Variants in TRPS1 observed in about 807,000 individuals in gnomAD.
TRPS1 encodes zinc finger transcription factor Trps1.
Under a neutral mutation model 101.2 loss-of-function variants are expected in TRPS1, and 6 were observed. That is an observed-to-expected ratio of 0.06 (90% CI 0.03 to 0.12). The LOEUF is 0.12. Among genes scored for constraint, TRPS1 ranks in the 10% least tolerant of loss-of-function variants. TRPS1 has a pLI of 1.00. For missense variants in TRPS1, 1,363 were observed against 1,567.0 expected, an observed-to-expected ratio of 0.87 and a Z score of 2.20; for synonymous variants, 578 against 589.8, an observed-to-expected ratio of 0.98 and a Z score of 0.29.
intron 5 of TRPS1, among the ~76,000 whole-genome samples, chr8:115,440,132 T>C (rs1324822603): frequency 6.6e-6 from 1 of 152,218 alleles, no homozygotes; most frequent in Non-Finnish European, 1.5e-5. Flanking sequence ...TGATGAAAAT[T>C]CATTTTTTAA....
chr8:115,562,869 A>T (rs1203642919), intron 5 of TRPS1, among the ~76,000 whole-genome samples: 1 of 124,390 alleles, frequency 8.0e-6, no homozygotes, highest in African/African-American at 3.1e-5. Context: ...CCCCCTACCC[A>T]CAGTGTCTGT....
At chr8:115,659,631 C>A (rs935651964) in intron 1 of TRPS1, among the ~76,000 whole-genome samples, 1 of 151,796 alleles carries the variant, frequency 6.6e-6, no homozygotes, top group Non-Finnish European at 1.5e-5. Flanking sequence ...ACAAAACTTT[C>A]TTTTAGGAAC....
intron 5 of TRPS1, among the ~76,000 whole-genome samples, chr8:115,521,407 A>C (rs1815857963): frequency 6.6e-6 from 1 of 151,926 alleles, no homozygotes; most frequent in Admixed American, 6.6e-5. Context: ...AAAATTTCAC[A>C]TTTGAAGCAG....
Position 115,413,750 on chromosome 8 carries a change from C to T in TRPS1, c.*273G>A. 4 of 417,712 alleles carry T rather than the reference C, an allele frequency of 9.6e-6. No individual in the cohort carries two copies. Among genetic ancestry groups the T allele is most frequent in the African/African-American group, 2.0e-5 (1 of 49,184 alleles). 25.9% of individuals were successfully genotyped at this position (417,712 alleles called of 1,614,324 possible). ...GGTGATATCTCTTATGGATTATTTCCCCAGTACATATTAGCCAAGATGGTT... is the reference window on the plus strand; with the variant it reads ...GGTGATATCTCTTATGGATTATTTCTCCAGTACATATTAGCCAAGATGGTT... On this transcript the variant is annotated 3_prime_UTR_variant, in exon 7 of 7. Transcript: ENST00000395715.
chr8:115,531,154 T>G (rs1385239057), intron 5 of TRPS1, among the ~76,000 whole-genome samples: 2 of 152,202 alleles, frequency 1.3e-5, no homozygotes, highest in African/African-American at 4.8e-5. Flanking sequence ...ACTTTTGATT[T>G]GTTAATTTTA....
chr8:115,414,546 G>C lies in TRPS1; in HGVS notation c.3362C>G (p.Ala1121Gly). The stretch of plus-strand genomic sequence containing the variant: ...TTTACTCCAGAACCGCAGCCAATCA[G>C]CTTCACTCTGGAAGTCATTATGTAC... Reference protein sequence around the residue: ...PFVHNDFQSEADWLRFWSKYK... With the variant: ...PFVHNDFQSEGDWLRFWSKYK... Residue 1121 changes from alanine to glycine, a missense_variant, in exon 7 of 7, where the codon GCT becomes GGT. Ala to Gly is a moderately conservative substitution (Grantham distance 60, BLOSUM62 0). Transcript: ENST00000395715. This position sits in a 1 kb window ranked among gnomAD's most constrained non-coding sequence, Gnocchi z 4.8. 6.2e-7 allele frequency: 1 copy of C among 1,613,936 alleles called. No individual in the cohort carries two copies.
rs1404711248 is a variant in TRPS1, at chr8:115,668,795, G to C, written c.-372C>G. On this transcript the variant is annotated 5_prime_UTR_variant, in exon 1 of 7. Coordinates refer to ENST00000395715, the MANE Select transcript of TRPS1 (RefSeq NM_014112.5). ...GCCCGGTGCCGGGTGGGAGAGGGGAGGGGGTGTTGTTTTTTGTTTAAAAAA... is the reference window on the plus strand; with the variant it reads ...GCCCGGTGCCGGGTGGGAGAGGGGACGGGGTGTTGTTTTTTGTTTAAAAAA... The C allele has an allele frequency of 2.1e-5, 3 of 144,876 alleles. No homozygotes were observed. Among genetic ancestry groups the C allele is most frequent in the Admixed American group, 2.0e-4 (3 of 14,966 alleles). The allele number at this position is 144,876 out of a possible 1,614,324, so 9.0% of individuals were successfully genotyped here. A position where few individuals can be genotyped will look rare whatever the true frequency, so the allele number is the denominator to read the frequency against.
At chr8:115,585,597 T>A (rs2130439481) in intron 5 of TRPS1, among the ~76,000 whole-genome samples, 1 of 152,148 alleles carries the variant, frequency 6.6e-6, no homozygotes, top group South Asian at 2.1e-4. Flanking sequence ...GCCAGAAGAG[T>A]AATGACATGC....
At chr8:115,494,983 T>C (rs1280147505) in intron 5 of TRPS1, among the ~76,000 whole-genome samples, 1 of 152,184 alleles carries the variant, frequency 6.6e-6, no homozygotes. Context: ...GTGTATCTGA[T>C]GTGCTCCTGA....
At chr8:115,435,913 G>T (rs1217438725) in intron 5 of TRPS1, among the ~76,000 whole-genome samples, 1 of 151,804 alleles carries the variant, frequency 6.6e-6, no homozygotes, top group Non-Finnish European at 1.5e-5. Flanking sequence ...AAGCAATTAA[G>T]AGAACGATGC....
At chr8:115,438,631 T>C (rs969080365) in intron 5 of TRPS1, among the ~76,000 whole-genome samples, 2 of 152,122 alleles carry the variant, frequency 1.3e-5, no homozygotes, top group East Asian at 3.9e-4. Flanking sequence ...CTCTAATATC[T>C]CTTCTAGATC....
intron 5 of TRPS1, chr8:115,492,114 C>G (rs1271647135): frequency 4.5e-6 from 2 of 441,398 alleles, no homozygotes; most frequent in Non-Finnish European, 9.0e-6. Context: ...AGATGAGAAA[C>G]AAAAAATCCA....
intron 5 of TRPS1, among the ~76,000 whole-genome samples, chr8:115,529,743 C>T (rs930977819): frequency 2.6e-5 from 4 of 151,966 alleles, no homozygotes; most frequent in African/African-American, 9.7e-5. Context: ...CCAACAATGC[C>T]CACTATATTG....
In TRPS1 at chr8:115,619,201, C is replaced by T. The variant is rs771576256; in HGVS notation, c.897G>A (p.Val299=). 2.5e-6 allele frequency: 4 copies of T among 1,614,126 alleles called. No homozygotes were observed. The South Asian group carries it at 4.4e-5, about 18-fold the overall frequency. ...TGATGTCCTGCAGCACACCAGAAAA[C>T]ACAGAACGGTTGACCTTCTGGAAGT... ...SKDFQKVNRS[V]FSGVLQDINS... is the part of the protein sequence containing the mutation. Residue 299 remains valine (V), a synonymous_variant, in exon 3 of 7, where the codon GTG becomes GTA. Transcript: ENST00000395715.
chr8:115,625,882 T>C (rs920378769), intron 1 of TRPS1, among the ~76,000 whole-genome samples: 3 of 151,876 alleles, frequency 2.0e-5, no homozygotes, highest in African/African-American at 7.2e-5. Context: ...GTTCTTATTT[T>C]CATAATATGT....
chr8:115,595,008 A>C (rs1050156119), intron 4 of TRPS1, among the ~76,000 whole-genome samples: 1 of 151,932 alleles, frequency 6.6e-6, no homozygotes, highest in African/African-American at 2.4e-5. Context: ...TCAATGAATA[A>C]TTTTAACCAC....
chr8:115,624,299 T>C (rs987801628), intron 1 of TRPS1, among the ~76,000 whole-genome samples: 3 of 151,956 alleles, frequency 2.0e-5, no homozygotes, highest in African/African-American at 4.8e-5. Context: ...TTTTAGATGA[T>C]GGGCTAAAAG....
chr8:115,497,241 G>A (rs1586333211), intron 5 of TRPS1, among the ~76,000 whole-genome samples: 1 of 152,166 alleles, frequency 6.6e-6, no homozygotes, highest in Non-Finnish European at 1.5e-5. Flanking sequence ...TTCCTCCTCA[G>A]ATCATCAGGC....
intron 4 of TRPS1, among the ~76,000 whole-genome samples, chr8:115,598,286 T>C (rs1001258294): frequency 2.8e-4 from 42 of 152,282 alleles, no homozygotes; most frequent in Middle Eastern, 3.4e-3. Context: ...TGTCTTAGAA[T>C]ACCTTAATTC....
Sources: allele counts gnomAD v4.1 joint callset (sites outside exome capture counted in the v4.1 genomes callset), GRCh38; gene constraint gnomAD v4.1.1; non-coding constraint Gnocchi (gnomAD v3.1); transcripts MANE v1.5; gene names NCBI Gene and HGNC (gene_info 2026-07-23, HGNC 2026-07-21).